Variants in STAG2 observed in about 807,000 individuals in gnomAD.
STAG2 encodes STAG2 cohesin complex component.
A neutral mutation model predicts 108.1 loss-of-function variants in STAG2; 14 were observed. The observed-to-expected ratio is 0.13, with a 90% CI of 0.09 to 0.20. The LOEUF (loss-of-function observed/expected upper bound fraction) is 0.20, where lower values mean the gene tolerates loss of function less well. Ranked by LOEUF, STAG2 falls within the 10% of genes least tolerant of loss-of-function variation. The probability of loss-of-function intolerance (pLI) is 1.00; values close to 1 mark genes in which losing one functional copy is unlikely to be tolerated. For missense variants in STAG2, 440 were observed against 940.9 expected (o/e 0.47, Z 6.96); for synonymous variants, 307 against 302.7 (o/e 1.01, Z -0.15).
At chrX:124,080,214 C>T (rs1346547718) in intron 27 of STAG2, among the ~76,000 whole-genome samples, 1 of 111,187 alleles carries the variant, frequency 9.0e-6, no homozygotes, top group African/African-American at 3.3e-5. Flanking sequence ...AATAGATCTT[C>T]AGAACTTACT....
intron 29 of STAG2, 50 bp from the exon 30 acceptor site, chrX:124,086,497 T>A (rs374577707): frequency 9.6e-7 from 1 of 1,036,419 alleles, no homozygotes; most frequent in South Asian, 2.0e-5. Context: ...TGAGTTAATA[T>A]AACCCACAGA....
intron 7 of STAG2, 59 bp from the exon 8 acceptor site, chrX:124,045,105 A>C: frequency 9.9e-7 from 1 of 1,005,223 alleles, no homozygotes; most frequent in Non-Finnish European, 1.4e-6. Flanking sequence ...TTTCAAAAGC[A>C]AGTGATATGT....
At chrX:123,991,666 C>CT (rs368753514) in intron 1 of STAG2, among the ~76,000 whole-genome samples, 4,689 of 94,572 alleles carry the variant, frequency 0.05, 135 homozygotes, top group African/African-American at 0.074. Flanking sequence ...CAACTATTTT[C>CT]TTTTTTTTTT....
chrX:124,081,223 G>A (rs2058954088), intron 27 of STAG2, among the ~76,000 whole-genome samples, 157 bp from the exon 28 acceptor site: 2 of 112,052 alleles, frequency 1.8e-5, no homozygotes, highest in Admixed American at 1.9e-4. Context: ...ACGAAGTACT[G>A]CACTTTTGGT....
chrX:124,028,985 T>TTATATTTATATATATATATA (rs2057224407), intron 4 of STAG2, among the ~76,000 whole-genome samples: 1 of 64,025 alleles, frequency 1.6e-5, no homozygotes, highest in African/African-American at 6.8e-5. Flanking sequence ...TTATTTTTAT[T>TTATATTTATATATATATATA]TATATATATA....
At chrX:124,060,328 G>A (rs746627307) in intron 15 of STAG2, among the ~76,000 whole-genome samples, 2 of 111,652 alleles carry the variant, frequency 1.8e-5, no homozygotes, top group South Asian at 7.5e-4. Flanking sequence ...GTTTTGCCAC[G>A]TTGGCCAGGC....
In STAG2 at chrX:124,081,547, A is replaced by T. The variant is rs758133627; in HGVS notation, c.2924+19A>T. 5.3e-6 allele frequency: 6 copies of T among 1,122,666 alleles called. No individual in the cohort carries two copies. The South Asian group carries it at 1.3e-4, about 25-fold the overall frequency. 92.5% of individuals were successfully genotyped at this position (1,122,666 alleles called of 1,213,427 possible). A position where few individuals can be genotyped will look rare whatever the true frequency, so the allele number is the denominator to read the frequency against. On this transcript the variant is annotated intron_variant, in intron 28 of 34. Transcript: ENST00000371145. ...TACACAAGTAATCTCCAGATATTTTATTCAGCTCTCATATTTTTTAGTCAT... is the reference window on the plus strand; with the variant it reads ...TACACAAGTAATCTCCAGATATTTTTTTCAGCTCTCATATTTTTTAGTCAT...
intron 1 of STAG2, among the ~76,000 whole-genome samples, chrX:123,991,055 A>G (rs981901533): frequency 6.2e-5 from 7 of 112,310 alleles, no homozygotes; most frequent in African/African-American, 1.3e-4. Flanking sequence ...AGTGTACCCT[A>G]TAGTAATCAC....
At chrX:124,046,570 C>T (rs1316075622) in intron 8 of STAG2, among the ~76,000 whole-genome samples, 1 of 111,835 alleles carries the variant, frequency 8.9e-6, no homozygotes, top group Non-Finnish European at 1.9e-5. Flanking sequence ...GTTGTTGTAT[C>T]ATGCAATGCA....
intron 29 of STAG2, among the ~76,000 whole-genome samples, chrX:124,084,467 C>T (rs1231153066): frequency 9.0e-6 from 1 of 110,582 alleles, no homozygotes; most frequent in African/African-American, 3.3e-5. Flanking sequence ...TACAGGCGTG[C>T]ACCACCATGC....
chrX:124,005,589 T>G (rs1353829227), intron 1 of STAG2, among the ~76,000 whole-genome samples: 1 of 112,272 alleles, frequency 8.9e-6, no homozygotes, highest in East Asian at 2.8e-4. Flanking sequence ...AGTTTTTGTT[T>G]TGTTTTGTTT....
At chrX:123,994,230 A>T (rs2055619760) in intron 1 of STAG2, among the ~76,000 whole-genome samples, 1 of 111,493 alleles carries the variant, frequency 9.0e-6, no homozygotes, top group Non-Finnish European at 1.9e-5. Context: ...CTCTCTTGGG[A>T]ATGAATCCAT....
At position 124,102,218 on chromosome X, in the gene STAG2, A is replaced by G. The variant is rs1166039509; in HGVS notation, c.*1621A>G. The G allele has an allele frequency of 1.9e-5, 3 of 158,365 alleles. No homozygotes were observed. Among genetic ancestry groups the G allele is most frequent in the African/African-American group, 3.0e-5 (1 of 33,200 alleles). 13.1% of individuals were successfully genotyped at this position (158,365 alleles called of 1,213,427 possible). A position where few individuals can be genotyped will look rare whatever the true frequency, so the allele number is the denominator to read the frequency against. ...CCATCAACAAATATTGTTATGTGCA[A>G]AAGTATTGCCTATGTTGTTTTACAC... On this transcript the variant is annotated 3_prime_UTR_variant, in exon 35 of 35. Coordinates refer to ENST00000371145, the MANE Select transcript of STAG2 (RefSeq NM_001042750.2).
intron 13 of STAG2, among the ~76,000 whole-genome samples, chrX:124,054,696 TC>T (rs907482678): frequency 8.9e-6 from 1 of 112,173 alleles, no homozygotes; most frequent in African/African-American, 3.2e-5. Context: ...TTAGAAACGT[TC>T]CTTTTCAAAA....
At chrX:123,962,057 C>G (rs2053890141) in intron 1 of STAG2, 1 of 111,755 alleles carries the variant, frequency 8.9e-6, no homozygotes, top group Non-Finnish European at 1.9e-5. Context: ...TTCCCACCCC[C>G]ACCCGCACTG....
intron 10 of STAG2, among the ~76,000 whole-genome samples, chrX:124,049,466 C>G (rs777220865): frequency 8.9e-6 from 1 of 112,199 alleles, no homozygotes; most frequent in East Asian, 2.8e-4. Flanking sequence ...TTTTCTTTTG[C>G]TGTTTTGAAT....
At chrX:124,060,529 C>T (rs1375672825) in intron 15 of STAG2, among the ~76,000 whole-genome samples, 1 of 112,608 alleles carries the variant, frequency 8.9e-6, no homozygotes, top group African/African-American at 3.2e-5. Flanking sequence ...TATCACTCCC[C>T]TTCAGTTAAA....
chrX:123,969,968 T>G (rs887511321), intron 1 of STAG2, among the ~76,000 whole-genome samples: 2 of 103,679 alleles, frequency 1.9e-5, no homozygotes, highest in African/African-American at 3.6e-5. Flanking sequence ...TTTTTTTTTT[T>G]TTTTTTTTTT....
intron 1 of STAG2, among the ~76,000 whole-genome samples, chrX:124,020,200 A>G (rs191904061): frequency 3.4e-4 from 38 of 112,330 alleles, no homozygotes; most frequent in Admixed American, 3.2e-3. Context: ...TCTGCTTCTC[A>G]GAGATGATGC....
Sources: gnomAD v4.1 joint callset for allele counts (sites outside exome capture counted in the v4.1 genomes callset) on GRCh38, gnomAD v4.1.1 for gene constraint, MANE v1.5 for transcripts, NCBI Gene and HGNC (gene_info 2026-07-23, HGNC 2026-07-21) for gene names.